PTMA: variants seen among roughly 807,000 people sequenced by gnomAD.
PTMA encodes prothymosin alpha, also known as gene sequence 28.
Under a neutral mutation model 16.9 loss-of-function variants are expected in PTMA, and 4 were observed. The ratio of observed to expected loss-of-function variants is 0.24; its 90% CI spans 0.12 to 0.54. The LOEUF (loss-of-function observed/expected upper bound fraction) is 0.54, where lower values mean the gene tolerates loss of function less well. Among genes scored for constraint, PTMA ranks in the 20% least tolerant of loss-of-function variants. The pLI is 0.95. For missense variants in PTMA, 120 were observed against 137.7 expected (o/e 0.87, Z 0.64); for synonymous variants, 58 against 47.9 (o/e 1.21, Z -0.87).
intron 2 of PTMA, chr2:231,711,678 G>T: frequency 1.1e-6 from 1 of 925,454 alleles, no homozygotes; most frequent in Non-Finnish European, 1.6e-6. Flanking sequence ...GGCCCAGGGT[G>T]GGGAAAAGCC....
In PTMA at chr2:231,710,424, A is replaced by T. The variant is rs1385482137; in HGVS notation, c.46-924A>T. The T allele has an allele frequency of 3.5e-6, 4 of 1,150,492 alleles. No individual in the cohort carries two copies. In the African/African-American group the frequency reaches 6.6e-5, roughly 19 times the overall value. 71.3% of individuals were successfully genotyped at this position (1,150,492 alleles called of 1,614,324 possible). A position where few individuals can be genotyped will look rare whatever the true frequency, so the allele number is the denominator to read the frequency against. On this transcript the variant is annotated intron_variant, in intron 1 of 4. Coordinates refer to ENST00000409115, the MANE Select transcript of PTMA (RefSeq NM_002823.5). ...TGCGCGCCGCGACCTCCCTGCCCCCACTGCTCCCCGGGGCTTCGGCCGCCA... is the reference window on the plus strand; with the variant it reads ...TGCGCGCCGCGACCTCCCTGCCCCCTCTGCTCCCCGGGGCTTCGGCCGCCA...
rs2048517153 is a variant in PTMA at position 231,711,428 on chromosome 2, C to T, written c.117+9C>T. On this transcript the variant is annotated intron_variant, in intron 2 of 4. Transcript: ENST00000409115. Reference sequence around the variant, plus strand: ...CTGCTAACGGGAATGCTGTGAGTGTCTGCTTTGCTCCTGAGCCCTGGCAGC... The same window carrying T: ...CTGCTAACGGGAATGCTGTGAGTGTTTGCTTTGCTCCTGAGCCCTGGCAGC... The T allele has an allele frequency of 1.2e-6, 2 of 1,613,908 alleles. No homozygotes were observed. The highest frequency in any genetic ancestry group is 2.2e-5 in the East Asian group (1 of 44,890).
chr2:231,712,553 C>G (rs536883686), intron 4 of PTMA, 37 bp downstream of exon 4: 1 of 1,601,372 alleles, frequency 6.2e-7, no homozygotes, highest in Admixed American at 1.7e-5. Context: ...GGTTTGGCAT[C>G]TGGGTCTCCC....
chr2:231,710,625 G>A (rs917124152), intron 1 of PTMA: 1 of 466,114 alleles, frequency 2.1e-6, no homozygotes, highest in South Asian at 1.6e-5. Context: ...AAGTTACCGG[G>A]CGCCCGGGGC....
At chr2:231,709,883 C>T (rs768231888) in intron 1 of PTMA, 40 of 311,588 alleles carry the variant, frequency 1.3e-4, no homozygotes, top group South Asian at 3.1e-4. Context: ...ACCCTTGTGT[C>T]CCTGGCGTCA....
rs569643948 is a variant in PTMA, at chr2:231,708,658, T to C, written c.-49T>C. 326 of 1,597,808 alleles carry C rather than the reference T, an allele frequency of 2.0e-4. No individual in the cohort carries two copies. In the African/African-American group the frequency reaches 4.0e-3, roughly 19 times the overall value. On this transcript the variant is annotated 5_prime_UTR_variant, in exon 1 of 5. Transcript: ENST00000409115. ...AGCTTTATCGCCAGAGTCCCTGAAC[T>C]CTCGCTTTCTTTTTAATCCCCTGCA...
intron 3 of PTMA, 91 bp downstream of exon 3, chr2:231,712,074 G>C: frequency 6.5e-7 from 1 of 1,540,132 alleles, no homozygotes; most frequent in Admixed American, 2.0e-5. Flanking sequence ...GCTCCTGGGA[G>C]TGGGACAATG....
rs759676783 is a variant in PTMA, at chr2:231,712,444, T to A, written c.213T>A (p.Gly71=). The A allele has an allele frequency of 5.0e-6, 8 of 1,613,504 alleles. No individual in the cohort carries two copies. The Admixed American group carries it at 1.2e-4, about 24-fold the overall frequency. ...TACCTGGCCTTTGATTCTCTCCAGG[T>A]GAGGAAGAGGATGGAGATGAAGATG... is the stretch of plus-strand genomic sequence containing the variant. ...EEEEEEEEGD[G]EEEDGDEDEE... The change falls in exon 4 of 5, where the codon GGT becomes GGA. Residue 71 remains glycine, a splice_region_variant and synonymous_variant. Coordinates refer to ENST00000409115, the MANE Select transcript of PTMA (RefSeq NM_002823.5).
Position 231,710,065 on chromosome 2 carries a change from GT to G in PTMA, c.46-1282del, listed in dbSNP as rs1241508111. 6 of 1,228,472 alleles carry G rather than the reference GT, an allele frequency of 4.9e-6. No homozygotes were observed. The African/African-American group carries it at 9.4e-5, about 19-fold the overall frequency. The allele number at this position is 1,228,472 out of a possible 1,614,324, so 76.1% of individuals were successfully genotyped here. A position where few individuals can be genotyped will look rare whatever the true frequency, so the allele number is the denominator to read the frequency against. On this transcript the variant is annotated intron_variant, in intron 1 of 4. Transcript: ENST00000409115. ...TCGATTTTCTCCGAAGCACCAAAAG[GT>G]GACTTCCCGCGAGGGCGATGAGTAG...
intron 2 of PTMA, chr2:231,711,623 CAAG>C (rs2048519865): frequency 1.4e-6 from 1 of 739,098 alleles, no homozygotes; most frequent in African/African-American, 1.8e-5. Flanking sequence ...AGCGCCTGAA[CAAG>C]AATAGGTTCA....
chr2:231,710,270 C>G (rs560226638), intron 1 of PTMA: 2 of 1,314,020 alleles, frequency 1.5e-6, no homozygotes, highest in African/African-American at 1.5e-5. Flanking sequence ...CGTGCCACTG[C>G]AAGCTCTGCC....
chr2:231,709,778 C>T (rs753280867), intron 1 of PTMA: 59 of 159,926 alleles, frequency 3.7e-4, no homozygotes, highest in Non-Finnish European at 7.2e-4. Flanking sequence ...GCGGGGCGCT[C>T]TCAGACTGAC....
intron 4 of PTMA, 114 bp from the exon 5 acceptor site, chr2:231,712,690 T>C (rs1198405920): frequency 3.6e-5 from 50 of 1,392,714 alleles, no homozygotes; most frequent in Non-Finnish European, 4.3e-5. Flanking sequence ...CCCAGAGGCC[T>C]TGGGCTGTGG....
Position 231,708,562 on chromosome 2 carries a change from T to C in PTMA, c.-145T>C. 2 of 921,984 alleles carry C rather than the reference T, an allele frequency of 2.2e-6. No homozygotes were observed. Among genetic ancestry groups the C allele is most frequent in the Admixed American group, 2.0e-5 (1 of 51,008 alleles). 57.1% of individuals were successfully genotyped at this position (921,984 alleles called of 1,614,324 possible). ...GCTCTGAAAAGCCATCTTTGCATTGTTCCTCATCCGCCTCCTTGCTCGCCG... is the reference window on the plus strand; with the variant it reads ...GCTCTGAAAAGCCATCTTTGCATTGCTCCTCATCCGCCTCCTTGCTCGCCG... On this transcript the variant is annotated 5_prime_UTR_variant, in exon 1 of 5. Transcript: ENST00000409115.
intron 2 of PTMA, 199 bp from the exon 3 acceptor site, chr2:231,711,691 T>C (rs1248172992): frequency 2.9e-6 from 3 of 1,027,532 alleles, no homozygotes; most frequent in African/African-American, 3.3e-5. Flanking sequence ...GAAAAGCCCT[T>C]GTCCTGGGGC....
In PTMA at chr2:231,711,947, G is replaced by C; in HGVS notation, c.175G>C (p.Gly59Arg). 1 of 1,596,404 alleles carries C rather than the reference G, an allele frequency of 6.3e-7. No homozygotes were observed. The highest frequency in any genetic ancestry group is 1.1e-5 in the South Asian group (1 of 88,756). ...DNEVDEEEEE[G>R]GEEEEEEEEG... ...TGAGGTAGACGAAGAAGAGGAAGAA[G>C]GTGGGGAGGAAGAGGAGGAGGAAGA... Residue 59 changes from glycine to arginine, a missense_variant, in exon 3 of 5, where the codon GGT becomes CGT. By Grantham distance (125) the Gly-to-Arg change is moderately radical. Coordinates refer to ENST00000409115, the MANE Select transcript of PTMA (RefSeq NM_002823.5).
chr2:231,710,358 G>C (rs1467533354), intron 1 of PTMA: 3 of 1,205,698 alleles, frequency 2.5e-6, no homozygotes, highest in African/African-American at 3.2e-5. Flanking sequence ...GGTGCGTGCC[G>C]AGGCCCGCGC....
chr2:231,709,389 G>T (rs1288276035), intron 1 of PTMA, among the ~76,000 whole-genome samples: 1 of 152,144 alleles, frequency 6.6e-6, no homozygotes, highest in Non-Finnish European at 1.5e-5. Context: ...GCGGGGGTGG[G>T]CGCCCTTCGA....
At chr2:231,709,380 C>CG (rs2048486463) in intron 1 of PTMA, among the ~76,000 whole-genome samples, 1 of 151,620 alleles carries the variant, frequency 6.6e-6, no homozygotes, top group Non-Finnish European at 1.5e-5. Flanking sequence ...CTCTGGGAGG[C>CG]GGGGGTGGGC....
Sources: gnomAD v4.1 joint callset for allele counts (sites outside exome capture counted in the v4.1 genomes callset) on GRCh38, gnomAD v4.1.1 for gene constraint, MANE v1.5 for transcripts, NCBI Gene and HGNC (gene_info 2026-07-23, HGNC 2026-07-21) for gene names.